Variants in SLC29A3 observed in about 807,000 individuals in gnomAD.
The protein encoded by SLC29A3 is solute carrier family 29 member 3.
Under a neutral mutation model 25.4 loss-of-function variants are expected in SLC29A3, and 18 were observed. The observed-to-expected ratio is 0.71, with a 90% CI of 0.49 to 1.05. The LOEUF is 1.05. SLC29A3 is among the 50% of genes least tolerant of loss of function. SLC29A3 has a pLI of 0.00. For missense variants in SLC29A3, 586 were observed against 609.0 expected, an observed-to-expected ratio of 0.96 and a Z score of 0.40; for synonymous variants, 258 against 267.1, an observed-to-expected ratio of 0.97 and a Z score of 0.33.
At chr10:71,328,544 G>A (rs770750583) in intron 2 of SLC29A3, among the ~76,000 whole-genome samples, 4 of 152,176 alleles carry the variant, frequency 2.6e-5, no homozygotes, top group Non-Finnish European at 4.4e-5. Context: ...GGCCTCCCCC[G>A]CTGGTGAATA....
chr10:71,351,682 C>G lies in SLC29A3; in HGVS notation c.504C>G (p.Thr168=). The stretch of plus-strand genomic sequence containing the variant: ...GGACCCGTGGCTTTTTTGCGGTCAC[C>G]ATTGTCTGCATGGTGATCCTCAGCG... ...SSWTRGFFAV[T]IVCMVILSGA... is the part of the protein sequence containing the mutation. Residue 168 remains threonine (T), a synonymous_variant, in exon 4 of 6, where the codon ACC becomes ACG. Transcript: ENST00000373189. The G allele has an allele frequency of 6.2e-7, 1 of 1,614,116 alleles. No individual in the cohort carries two copies.
intron 2 of SLC29A3, among the ~76,000 whole-genome samples, chr10:71,326,202 G>T (rs1343542089): frequency 6.6e-6 from 1 of 152,138 alleles, no homozygotes; most frequent in Non-Finnish European, 1.5e-5. Context: ...TTACAGGCAT[G>T]AGCCACCACA....
chr10:71,377,343 C>T (rs376366844), intron 4 of SLC29A3, among the ~76,000 whole-genome samples: 87 of 152,356 alleles, frequency 5.7e-4, no homozygotes, highest in African/African-American at 2.1e-3. Context: ...GTCCGCAAAA[C>T]CACCCAGTTC....
At chr10:71,340,197 G>C (rs1718257636) in intron 2 of SLC29A3, among the ~76,000 whole-genome samples, 1 of 152,210 alleles carries the variant, frequency 6.6e-6, no homozygotes, top group Non-Finnish European at 1.5e-5. Flanking sequence ...CTGCGTTCCA[G>C]CCCTGCCTTC....
intron 5 of SLC29A3, among the ~76,000 whole-genome samples, chr10:71,360,941 A>C (rs1371482507): frequency 6.6e-6 from 1 of 152,232 alleles, no homozygotes; most frequent in Non-Finnish European, 1.5e-5. Context: ...TATGTTTCAC[A>C]GTTATGCATG....
chr10:71,329,982 T>C (rs1455456742), intron 2 of SLC29A3, among the ~76,000 whole-genome samples: 5 of 152,220 alleles, frequency 3.3e-5, no homozygotes, highest in Non-Finnish European at 1.5e-5. Flanking sequence ...TGGCCTAGTC[T>C]ACCTCGAGTG....
intron 2 of SLC29A3, among the ~76,000 whole-genome samples, chr10:71,335,175 A>G (rs1342143933): frequency 6.6e-6 from 1 of 152,096 alleles, no homozygotes; most frequent in Non-Finnish European, 1.5e-5. Flanking sequence ...CATTTCTGCC[A>G]GGTGATTCCT....
chr10:71,335,346 G>T (rs1223257596), intron 2 of SLC29A3, among the ~76,000 whole-genome samples: 3 of 152,216 alleles, frequency 2.0e-5, no homozygotes, highest in Non-Finnish European at 4.4e-5. Context: ...ATTTCTCCAA[G>T]TGGAGCCCCC....
intron 3 of SLC29A3, among the ~76,000 whole-genome samples, chr10:71,369,160 C>A (rs1263253775): frequency 2.6e-5 from 4 of 152,342 alleles, no homozygotes; most frequent in South Asian, 2.1e-4. Flanking sequence ...AGGAAGCAGA[C>A]CCTCAGCACA....
intron 3 of SLC29A3, among the ~76,000 whole-genome samples, chr10:71,349,805 A>T (rs79663492): frequency 6.6e-6 from 1 of 152,084 alleles, no homozygotes; most frequent in Non-Finnish European, 1.5e-5. Flanking sequence ...CCCAAGACAC[A>T]TGCACTTATA....
chr10:71,377,086 TTGG>T (rs1414540703), intron 4 of SLC29A3, among the ~76,000 whole-genome samples: 2 of 152,340 alleles, frequency 1.3e-5, no homozygotes, highest in Admixed American at 6.5e-5. Flanking sequence ...TCAAGGTCAC[TTGG>T]CCCAGTGTCA....
intron 3 of SLC29A3, among the ~76,000 whole-genome samples, chr10:71,374,090 A>G (rs116425387): frequency 0.022 from 3,419 of 152,320 alleles, 119 homozygotes; most frequent in African/African-American, 0.078. Context: ...ATATGAAAAC[A>G]CCTGGTATAG....
intron 4 of SLC29A3, 108 bp downstream of exon 4, chr10:71,351,896 G>A: frequency 1.1e-6 from 1 of 944,130 alleles, no homozygotes; most frequent in Non-Finnish European, 1.7e-6. Flanking sequence ...AATGGCATGG[G>A]TGCTGATTGT....
intron 3 of SLC29A3, among the ~76,000 whole-genome samples, chr10:71,345,910 C>T (rs567641284): frequency 4.6e-5 from 7 of 152,338 alleles, no homozygotes; most frequent in African/African-American, 7.2e-5. Flanking sequence ...TCGCTCAGCC[C>T]GCCCAGAGGA....
In SLC29A3 at chr10:71,362,375, C is replaced by G; in HGVS notation, c.1195C>G (p.Gln399Glu). The change falls in exon 6 of 6, where the codon CAG becomes GAG. Residue 399 changes from glutamine (Q) to glutamate (E), a missense_variant. Gln to Glu is a conservative substitution (Grantham distance 29, BLOSUM62 2). Transcript: ENST00000373189. ...LIPLFVLCNY[Q>E]PRVHLKTVVF... ...CCCCCTCTTCGTGCTCTGTAACTAC[C>G]AGCCCCGCGTCCACCTGAAGACTGT... 6.2e-7 allele frequency: 1 copy of G among 1,614,146 alleles called. No individual in the cohort carries two copies. The highest frequency in any genetic ancestry group is 1.7e-5 in the Admixed American group (1 of 60,026).
rs1327430777 is a variant in SLC29A3, at chr10:71,344,274, C to A, written c.366C>A (p.Asn122Lys). Reference protein sequence around the residue: ...TVPSMLCLVANFLLVNRVAVH... With the variant: ...TVPSMLCLVAKFLLVNRVAVH... ...CCTCCATGCTGTGCCTGGTGGCCAA[C>A]TTCCTGCTTGTCAACAGGTAGGCGA... is the stretch of plus-strand genomic sequence containing the variant. Residue 122 changes from asparagine (N) to lysine (K), a missense_variant, in exon 3 of 6, where the codon AAC (asparagine) becomes AAA (lysine). By Grantham distance (94) the Asn-to-Lys change is moderately conservative (BLOSUM62 0). Coordinates refer to ENST00000373189, the MANE Select transcript of SLC29A3 (RefSeq NM_018344.6). 2 of 1,613,982 alleles carry A rather than the reference C, an allele frequency of 1.2e-6. No individual in the cohort carries two copies. Among genetic ancestry groups the A allele is most frequent in the South Asian group, 1.1e-5 (1 of 91,082 alleles).
chr10:71,362,492 C>T lies in SLC29A3; in HGVS notation c.1312C>T (p.Pro438Ser). Residue 438 changes from proline (P) to serine (S), a missense_variant, in exon 6 of 6, where the codon CCT becomes TCT. Coordinates refer to ENST00000373189, the MANE Select transcript of SLC29A3 (RefSeq NM_018344.6). ...YLSTLALLYG[P>S]KIVPRELAEA... ...CAGCACCCTGGCCCTCCTCTACGGG[C>T]CTAAGATTGTGCCCAGGGAGCTGGC... 6.2e-7 allele frequency: 1 copy of T among 1,614,204 alleles called. No individual in the cohort carries two copies. The highest frequency in any genetic ancestry group is 8.5e-7 in the Non-Finnish European group (1 of 1,180,050).
rs747045959 is a variant in SLC29A3 at position 71,363,024 on chromosome 10, A to C, written c.*416A>C. ...TCCAGCTGACAGCGAGATGCAAGCA[A>C]ATGCTCAGCTCTCCTTACCCTGAAG... On this transcript the variant is annotated 3_prime_UTR_variant, in exon 6 of 6. Coordinates refer to ENST00000373189, the MANE Select transcript of SLC29A3 (RefSeq NM_018344.6). 1 of 459,992 alleles carries C rather than the reference A, an allele frequency of 2.2e-6. No individual in the cohort carries two copies. 28.5% of individuals were successfully genotyped at this position (459,992 alleles called of 1,614,324 possible). A position where few individuals can be genotyped will look rare whatever the true frequency, so the allele number is the denominator to read the frequency against.
intron 2 of SLC29A3, among the ~76,000 whole-genome samples, chr10:71,326,387 A>T (rs796162062): frequency 1.3e-4 from 20 of 152,294 alleles, no homozygotes; most frequent in African/African-American, 4.8e-4. Flanking sequence ...CATTTGAGGG[A>T]TGGGCCCATA....
Sources: allele counts gnomAD v4.1 joint callset (sites outside exome capture counted in the v4.1 genomes callset), GRCh38; gene constraint gnomAD v4.1.1; transcripts MANE v1.5; gene names NCBI Gene and HGNC (gene_info 2026-07-23, HGNC 2026-07-21).